Variants in CA10 observed in about 807,000 individuals in gnomAD.
CA10 encodes the protein carbonic anhydrase-related protein 10.
A neutral mutation model predicts 44.2 loss-of-function variants in CA10; 14 were observed. That is an observed-to-expected ratio of 0.32 (90% confidence interval 0.21 to 0.50). CA10 has a LOEUF of 0.50. CA10 is among the 20% of genes least tolerant of loss of function. The pLI is 0.99. For missense variants in CA10, 350 were observed against 409.7 expected (o/e 0.85, Z 1.26); for synonymous variants, 159 against 141.6 (o/e 1.12, Z -0.87).
At chr17:51,971,742 T>C (rs1741347652) in intron 2 of CA10, among the ~76,000 whole-genome samples, 1 of 152,022 alleles carries the variant, frequency 6.6e-6, no homozygotes, top group Admixed American at 6.6e-5. Context: ...TTTTATAGTG[T>C]CCTGTGTTAA....
chr17:51,993,345 T>G (rs564756947), intron 2 of CA10, among the ~76,000 whole-genome samples: 79 of 152,276 alleles, frequency 5.2e-4, no homozygotes, highest in Non-Finnish European at 9.0e-4. Context: ...CATCTACTGT[T>G]GTCTCTGACA....
At chr17:51,826,680 T>C (rs1048051727) in intron 3 of CA10, among the ~76,000 whole-genome samples, 7 of 152,198 alleles carry the variant, frequency 4.6e-5, no homozygotes, top group African/African-American at 1.7e-4. Context: ...GTGGCTCCCT[T>C]ACTCTCAGGC....
At chr17:51,905,526 CTTTTTTTT>C (rs34606778) in intron 3 of CA10, among the ~76,000 whole-genome samples, 12 of 99,818 alleles carry the variant, frequency 1.2e-4, no homozygotes, top group African/African-American at 5.5e-4. Context: ...CCTATCAGTC[CTTTTTTTT>C]TTTTTTTTTT....
chr17:51,717,777 ATG>A (rs1469427142), intron 4 of CA10, among the ~76,000 whole-genome samples: 3 of 81,224 alleles, frequency 3.7e-5, no homozygotes, highest in African/African-American at 1.3e-4. Flanking sequence ...GTATACATAT[ATG>A]CATGTATATA....
At chr17:52,003,191 C>T (rs1376173890) in intron 2 of CA10, among the ~76,000 whole-genome samples, 2 of 151,880 alleles carry the variant, frequency 1.3e-5, no homozygotes, top group Non-Finnish European at 2.9e-5. Flanking sequence ...GCTCCCCTTG[C>T]CACAGATAAC....
chr17:51,940,839 C>T (rs4794311), intron 2 of CA10, among the ~76,000 whole-genome samples: 27,409 of 152,036 alleles, frequency 0.18, 3,303 homozygotes, highest in East Asian at 0.49. Flanking sequence ...GAGCCTCAGT[C>T]TCCTCCTTTG....
At chr17:51,860,817 C>T (rs893883723) in intron 3 of CA10, among the ~76,000 whole-genome samples, 3 of 152,082 alleles carry the variant, frequency 2.0e-5, no homozygotes, top group Non-Finnish European at 4.4e-5. Context: ...AATAGACGCC[C>T]CTCCAGCAGC....
At chr17:51,812,154 T>C (rs1043062148) in intron 3 of CA10, among the ~76,000 whole-genome samples, 3 of 152,238 alleles carry the variant, frequency 2.0e-5, no homozygotes, top group African/African-American at 4.8e-5. Context: ...TACCAGCTCA[T>C]GCTGATTGCC....
chr17:52,050,145 C>T (rs1987022015), intron 2 of CA10, among the ~76,000 whole-genome samples: 2 of 152,058 alleles, frequency 1.3e-5, no homozygotes, highest in East Asian at 1.9e-4. Context: ...CTATTTGAAT[C>T]TCCCCACCCC....
At chr17:51,962,607 A>G (rs1408030110) in intron 2 of CA10, among the ~76,000 whole-genome samples, 1 of 152,146 alleles carries the variant, frequency 6.6e-6, no homozygotes, top group Non-Finnish European at 1.5e-5. Flanking sequence ...AAACCACAGA[A>G]CTCAATATAA....
At chr17:51,951,420 C>T (rs1191384059) in intron 2 of CA10, among the ~76,000 whole-genome samples, 1 of 152,146 alleles carries the variant, frequency 6.6e-6, no homozygotes, top group Non-Finnish European at 1.5e-5. Context: ...TCCTGTTCCC[C>T]GGCTCAGTTA....
At chr17:52,106,028 A>G (rs976048636) in intron 1 of CA10, among the ~76,000 whole-genome samples, 2 of 152,218 alleles carry the variant, frequency 1.3e-5, no homozygotes, top group Non-Finnish European at 2.9e-5. Flanking sequence ...TTCTTAATAC[A>G]TTTCCTGTCC....
At chr17:51,701,018 C>T (rs372906280) in intron 4 of CA10, among the ~76,000 whole-genome samples, 12 of 152,100 alleles carry the variant, frequency 7.9e-5, no homozygotes, top group African/African-American at 2.4e-4. Flanking sequence ...CAGCAAATCA[C>T]CATGGCACAC....
chr17:51,971,827 T>C (rs1984290661), intron 2 of CA10, among the ~76,000 whole-genome samples: 1 of 151,964 alleles, frequency 6.6e-6, no homozygotes, highest in Middle Eastern at 3.2e-3. Context: ...TAGTATAACG[T>C]ATATTTAAAA....
intron 1 of CA10, among the ~76,000 whole-genome samples, chr17:52,087,588 A>C (rs1340044598): frequency 6.6e-6 from 1 of 152,050 alleles, no homozygotes; most frequent in Non-Finnish European, 1.5e-5. Flanking sequence ...ATTCAACATG[A>C]CTCCCTATGC....
At chr17:51,667,724 G>T (rs1567795819) in intron 4 of CA10, among the ~76,000 whole-genome samples, 1 of 152,156 alleles carries the variant, frequency 6.6e-6, no homozygotes, top group Non-Finnish European at 1.5e-5. Context: ...TGAAAGGTGA[G>T]TTGGGGGTGA....
At chr17:51,715,428 C>A (rs1916075483) in intron 4 of CA10, among the ~76,000 whole-genome samples, 2 of 151,890 alleles carry the variant, frequency 1.3e-5, no homozygotes, top group African/African-American at 4.8e-5. Flanking sequence ...AAAAATTTTT[C>A]CTTTTTAAAA....
chr17:51,722,844 T>C (rs140145678), intron 4 of CA10, among the ~76,000 whole-genome samples: 1,743 of 152,306 alleles, frequency 0.011, 42 homozygotes, highest in African/African-American at 0.039. Flanking sequence ...GGAAGTGATT[T>C]GCCCAAAGCC....
intron 1 of CA10, among the ~76,000 whole-genome samples, chr17:52,104,467 A>C (rs1186029034): frequency 6.6e-6 from 1 of 152,040 alleles, no homozygotes; most frequent in Non-Finnish European, 1.5e-5. Flanking sequence ...GCTTCCCAAA[A>C]TGCTGGCATT....
Sources: allele counts gnomAD v4.1 joint callset (sites outside exome capture counted in the v4.1 genomes callset), GRCh38; gene constraint gnomAD v4.1.1; transcripts MANE v1.5; gene names NCBI Gene and HGNC (gene_info 2026-07-23, HGNC 2026-07-21).